SYNPR: variants seen among roughly 807,000 people sequenced by gnomAD.
SYNPR encodes the protein synaptoporin.
A neutral mutation model predicts 32.9 loss-of-function variants in SYNPR; 23 were observed. That is an observed-to-expected ratio of 0.70 (90% CI 0.50 to 0.99). SYNPR has a LOEUF of 0.99. Ranked by LOEUF, SYNPR falls within the 50% of genes least tolerant of loss-of-function variation. The probability of loss-of-function intolerance (pLI) is 0.00; values close to 1 mark genes in which losing one functional copy is unlikely to be tolerated. For synonymous variants in SYNPR, 146 were observed against 135.9 expected (o/e 1.07, Z -0.52); for missense variants, 318 against 349.3 (o/e 0.91, Z 0.71).
intron 2 of SYNPR, among the ~76,000 whole-genome samples, chr3:63,333,629 G>T (rs961537487): frequency 6.6e-6 from 1 of 152,004 alleles, no homozygotes; most frequent in Non-Finnish European, 1.5e-5. Flanking sequence ...TGTTGCCCAG[G>T]CTGGTCTCAA....
intron 1 of SYNPR, among the ~76,000 whole-genome samples, chr3:63,237,583 T>C (rs1468784264): frequency 1.3e-5 from 2 of 152,158 alleles, no homozygotes; most frequent in Non-Finnish European, 2.9e-5. Flanking sequence ...CAAGTTGCGA[T>C]GTTCTTGGTT....
intron 2 of SYNPR, among the ~76,000 whole-genome samples, chr3:63,282,780 A>G (rs1012141935): frequency 1.1e-4 from 17 of 152,184 alleles, no homozygotes; most frequent in Middle Eastern, 3.2e-3. Flanking sequence ...GTGAGAAAAC[A>G]TAAGTTTCAT....
At chr3:63,258,026 C>T (rs963573135) in intron 2 of SYNPR, among the ~76,000 whole-genome samples, 37 of 152,226 alleles carry the variant, frequency 2.4e-4, no homozygotes, top group Admixed American at 1.7e-3. Flanking sequence ...GCTAACTATC[C>T]TAAATATATA....
At chr3:63,202,740 C>A in the SYNPR span, among the ~76,000 whole-genome samples, 1 of 152,064 alleles carries the variant, frequency 6.6e-6, no homozygotes, top group African/African-American at 2.4e-5. Flanking sequence ...TATGCTCTTT[C>A]TTTATCGCAG....
chr3:63,388,608 G>A (rs554871489), intron 2 of SYNPR, among the ~76,000 whole-genome samples: 1 of 129,002 alleles, frequency 7.8e-6, no homozygotes, highest in South Asian at 2.5e-4. Flanking sequence ...TTTTAGTAGA[G>A]ACGGGGTTTC....
intron 2 of SYNPR, among the ~76,000 whole-genome samples, chr3:63,399,555 G>A (rs2088261810): frequency 1.3e-5 from 2 of 152,134 alleles, no homozygotes; most frequent in African/African-American, 2.4e-5. Flanking sequence ...AGGGAGCTTG[G>A]GGCCTCTTGT....
intron 2 of SYNPR, among the ~76,000 whole-genome samples, chr3:63,291,917 T>A (rs541449581): frequency 2.6e-4 from 40 of 152,288 alleles, no homozygotes; most frequent in African/African-American, 7.7e-4. Flanking sequence ...TATCATTAGG[T>A]GATTTCATCA....
intron 2 of SYNPR, among the ~76,000 whole-genome samples, chr3:63,292,974 T>C (rs544819850): frequency 1.3e-5 from 2 of 152,284 alleles, no homozygotes; most frequent in East Asian, 3.9e-4. Context: ...CCTCAGGCCG[T>C]CTGTAGGCTT....
At chr3:63,379,531 CTA>C (rs746430751) in intron 2 of SYNPR, among the ~76,000 whole-genome samples, 1 of 152,060 alleles carries the variant, frequency 6.6e-6, no homozygotes, top group Non-Finnish European at 1.5e-5. Context: ...TTTAGAACTG[CTA>C]TGTCTTCTTG....
intron 3 of SYNPR, chr3:63,545,398 C>A (rs1236637597): frequency 1.3e-5 from 2 of 151,968 alleles, no homozygotes; most frequent in Non-Finnish European, 2.9e-5. Context: ...TATATAAATT[C>A]AAAATGTCCA....
rs181735010 is a variant in SYNPR, at chr3:63,452,093, T to C, written c.85-28739T>C. The C allele has an allele frequency of 9.1e-4, 637 of 702,274 alleles. 4 individuals carry two copies. The East Asian group carries it at 0.012, about 14-fold the overall frequency. 43.5% of individuals were successfully genotyped at this position (702,274 alleles called of 1,614,324 possible). ...CAAAGAAAGGGTTTCTCAAACGTTTTTTCTCTGGATCTCTTCAAAAAGGCA... is the reference window on the plus strand; with the variant it reads ...CAAAGAAAGGGTTTCTCAAACGTTTCTTCTCTGGATCTCTTCAAAAAGGCA... On this transcript the variant is annotated intron_variant, in intron 2 of 5. Transcript: ENST00000478300.
At chr3:63,298,632 G>A (rs565728305) in intron 2 of SYNPR, among the ~76,000 whole-genome samples, 1 of 152,228 alleles carries the variant, frequency 6.6e-6, no homozygotes, top group East Asian at 1.9e-4. Context: ...TTCCTTATGG[G>A]TCAAGAGTGA....
chr3:63,579,462 C>A (rs1252523836), intron 4 of SYNPR, among the ~76,000 whole-genome samples: 1 of 152,088 alleles, frequency 6.6e-6, no homozygotes, highest in African/African-American at 2.4e-5. Context: ...CCTGAATTAT[C>A]GTTTCTCCAA....
intron 2 of SYNPR, among the ~76,000 whole-genome samples, chr3:63,402,240 G>C (rs983658186): frequency 6.6e-6 from 1 of 152,042 alleles, no homozygotes; most frequent in African/African-American, 2.4e-5. Context: ...CAGCATCCCG[G>C]GCCTCTAAAC....
the SYNPR span, among the ~76,000 whole-genome samples, chr3:63,211,517 T>C: frequency 2.0e-5 from 3 of 152,208 alleles, no homozygotes; most frequent in African/African-American, 7.2e-5. Context: ...CTAATCCTGC[T>C]ATTATTTTGT....
intron 2 of SYNPR, among the ~76,000 whole-genome samples, chr3:63,473,609 A>G (rs75847234): frequency 0.041 from 6,290 of 152,320 alleles, 332 homozygotes; most frequent in East Asian, 0.18. Context: ...GTTAAAAAAT[A>G]GAATAATGGG....
At chr3:63,201,592 G>C in the SYNPR span, among the ~76,000 whole-genome samples, 4 of 151,902 alleles carry the variant, frequency 2.6e-5, no homozygotes, top group Admixed American at 2.6e-4. Flanking sequence ...CTTTCTACCT[G>C]CTTTATATTT....
At chr3:63,581,113 G>A (rs1335314206) in intron 4 of SYNPR, among the ~76,000 whole-genome samples, 1 of 152,156 alleles carries the variant, frequency 6.6e-6, no homozygotes, top group Non-Finnish European at 1.5e-5. Flanking sequence ...AAGAGACAGA[G>A]AAATGGTAAA....
At chr3:63,305,244 A>AGC (rs2086898708) in intron 2 of SYNPR, among the ~76,000 whole-genome samples, 1 of 152,030 alleles carries the variant, frequency 6.6e-6, no homozygotes, top group Non-Finnish European at 1.5e-5. Context: ...CCTGGGGGTG[A>AGC]CTGTAGCCCA....
Sources: gnomAD v4.1 joint callset for allele counts (sites outside exome capture counted in the v4.1 genomes callset) on GRCh38, gnomAD v4.1.1 for gene constraint, MANE v1.5 for transcripts, NCBI Gene and HGNC (gene_info 2026-07-23, HGNC 2026-07-21) for gene names.